Variants in PTPRN2 observed in about 807,000 individuals in gnomAD.
The protein encoded by PTPRN2 is receptor-type tyrosine-protein phosphatase N2.
PTPRN2 carries 74 observed loss-of-function variants against 118.8 expected under a neutral mutation model. The observed-to-expected ratio is 0.62, with a 90% confidence interval of 0.52 to 0.76. The LOEUF is 0.76. PTPRN2 is among the 30% of genes least tolerant of loss of function. PTPRN2 has a pLI of 0.00. For synonymous variants in PTPRN2, 641 were observed against 608.0 expected (o/e 1.05, Z -0.80); for missense variants, 1,481 against 1,394.4 (o/e 1.06, Z -0.99).
intron 1 of PTPRN2, among the ~76,000 whole-genome samples, chr7:158,539,122 TAACA>T (rs1335833622): frequency 6.6e-6 from 1 of 152,166 alleles, no homozygotes; most frequent in Admixed American, 6.5e-5. Flanking sequence ...ACCACACTGG[TAACA>T]AACAAGTAAC....
intron 12 of PTPRN2, chr7:157,864,600 T>A (rs1297459926): frequency 6.6e-6 from 1 of 152,402 alleles, no homozygotes; most frequent in Non-Finnish European, 1.5e-5. Context: ...GAAGCTGCCA[T>A]GTGGGGCTGG....
intron 12 of PTPRN2, among the ~76,000 whole-genome samples, chr7:157,837,454 G>A (rs958462490): frequency 6.6e-6 from 1 of 151,450 alleles, no homozygotes; most frequent in Non-Finnish European, 1.5e-5. Flanking sequence ...GTGGTGGAGG[G>A]GGGAGGCTGT....
chr7:158,586,293 C>CT (rs113498609), intron 1 of PTPRN2, among the ~76,000 whole-genome samples: 34 of 152,320 alleles, frequency 2.2e-4, no homozygotes, highest in African/African-American at 6.0e-4. Flanking sequence ...TCCAGGGAGA[C>CT]TGTGTCAAGA....
At chr7:157,915,450 G>A (rs112991962) in intron 11 of PTPRN2, among the ~76,000 whole-genome samples, 21,586 of 69,700 alleles carry the variant, frequency 0.31, 1,829 homozygotes, top group Non-Finnish European at 0.38. Flanking sequence ...CCCCACCCCC[G>A]CCTTCCCCGC....
At position 157,690,977 on chromosome 7, in the gene PTPRN2, G is replaced by A. The variant is rs2150833216; in HGVS notation, c.1789-8040C>T. Reference sequence around the variant, plus strand: ...CGCGCGCGTAGCACCAACCAGCGCGGCCGCCGCGCCCCGCCTTATATCCGG... The same window carrying A: ...CGCGCGCGTAGCACCAACCAGCGCGACCGCCGCGCCCCGCCTTATATCCGG... On this transcript the variant is annotated intron_variant, in intron 12 of 22. Transcript: ENST00000389418. This position sits in a 1 kb window ranked among gnomAD's most constrained non-coding sequence, Gnocchi z 7.1. Among the ~76,000 whole-genome samples, 1 of 147,014 alleles carries A rather than the reference G, an allele frequency of 6.8e-6. No homozygotes were observed. The highest frequency in any genetic ancestry group is 2.0e-4 in the East Asian group (1 of 4,938).
chr7:157,804,794 G>A (rs941042728), intron 12 of PTPRN2, among the ~76,000 whole-genome samples: 12 of 152,134 alleles, frequency 7.9e-5, no homozygotes, highest in Admixed American at 6.5e-4. Flanking sequence ...AGACAGATCC[G>A]ATGTCATCTT....
At chr7:158,456,909 G>T (rs1037942924) in intron 2 of PTPRN2, among the ~76,000 whole-genome samples, 1 of 152,078 alleles carries the variant, frequency 6.6e-6, no homozygotes, top group African/African-American at 2.4e-5. Context: ...ACAGCACCAG[G>T]ATCACCACAA....
chr7:157,790,587 C>T (rs1804425959), intron 12 of PTPRN2, among the ~76,000 whole-genome samples: 1 of 151,906 alleles, frequency 6.6e-6, no homozygotes, highest in Non-Finnish European at 1.5e-5. Context: ...AAAATCCACC[C>T]GATAAACACA....
At chr7:158,017,938 A>G (rs1485399333) in intron 11 of PTPRN2, among the ~76,000 whole-genome samples, 3 of 152,068 alleles carry the variant, frequency 2.0e-5, no homozygotes, top group Non-Finnish European at 2.9e-5. Flanking sequence ...CTGCTCAGAG[A>G]TGGTCAGAAG....
intron 1 of PTPRN2, among the ~76,000 whole-genome samples, chr7:158,504,616 G>C (rs1822613506): frequency 6.6e-6 from 1 of 152,168 alleles, no homozygotes; most frequent in Non-Finnish European, 1.5e-5. Flanking sequence ...TGGGCATTTA[G>C]GTTGGTTCCA....
chr7:157,944,255 G>A lies in PTPRN2; in HGVS notation c.1724-45518C>T, dbSNP rs950134401. 1.3e-5 allele frequency among the ~76,000 whole-genome samples: 2 copies of A among 152,226 alleles called. No individual in the cohort carries two copies. Among genetic ancestry groups the A allele is most frequent in the South Asian group, 2.1e-4 (1 of 4,808 alleles). Reference sequence around the variant, plus strand: ...AGATTGAGCATGGTTCGTCGCGAACGCCAGCCTGCCCCCACGGTCATGTCC... The same window carrying A: ...AGATTGAGCATGGTTCGTCGCGAACACCAGCCTGCCCCCACGGTCATGTCC... On this transcript the variant is annotated intron_variant, in intron 11 of 22. Transcript: ENST00000389418. This position sits in a 1 kb window ranked among gnomAD's most constrained non-coding sequence, Gnocchi z 4.3.
chr7:158,139,030 C>T (rs1819118037), intron 6 of PTPRN2, among the ~76,000 whole-genome samples: 1 of 152,114 alleles, frequency 6.6e-6, no homozygotes, highest in African/African-American at 2.4e-5. Context: ...TACATCTAAA[C>T]ACAGCCACAC....
At chr7:158,056,104 AG>A in intron 11 of PTPRN2, among the ~76,000 whole-genome samples, 1 of 152,310 alleles carries the variant, frequency 6.6e-6, no homozygotes, top group African/African-American at 2.4e-5. Context: ...GCTCTAATGC[AG>A]ACCTTCTCCC....
intron 5 of PTPRN2, among the ~76,000 whole-genome samples, chr7:158,175,702 G>A (rs1186420856): frequency 1.3e-5 from 2 of 150,850 alleles, no homozygotes; most frequent in African/African-American, 5.0e-5. Flanking sequence ...CTCTCAGACT[G>A]AAAAATAAGA....
At chr7:158,336,513 A>T (rs1395527508) in intron 2 of PTPRN2, among the ~76,000 whole-genome samples, 1 of 125,310 alleles carries the variant, frequency 8.0e-6, no homozygotes, top group African/African-American at 3.0e-5. Flanking sequence ...TCACACCCAC[A>T]CTCTCACCAT....
chr7:158,157,635 G>A (rs549535014), intron 6 of PTPRN2, among the ~76,000 whole-genome samples: 1 of 152,354 alleles, frequency 6.6e-6, no homozygotes, highest in African/African-American at 2.4e-5. Context: ...AGCCACACAC[G>A]GCCGCTGCCA....
intron 2 of PTPRN2, among the ~76,000 whole-genome samples, chr7:158,351,943 A>T (rs71547531): frequency 0.33 from 3,135 of 9,412 alleles, 224 homozygotes; most frequent in African/African-American, 0.42. Flanking sequence ...TCCCCTCCTG[A>T]CCGCTCCCCT....
intron 12 of PTPRN2, among the ~76,000 whole-genome samples, chr7:157,826,205 C>A (rs934037016): frequency 6.7e-6 from 1 of 148,988 alleles, no homozygotes; most frequent in Non-Finnish European, 1.5e-5. Context: ...GACAGCAGCA[C>A]GAACACGATC....
intron 1 of PTPRN2, among the ~76,000 whole-genome samples, chr7:158,578,537 T>A (rs376888084): frequency 1.0e-4 from 13 of 125,902 alleles, no homozygotes; most frequent in East Asian, 2.6e-4. Context: ...CCTGTCTCTG[T>A]AAAAAAAAAA....
Sources: allele counts gnomAD v4.1 joint callset (sites outside exome capture counted in the v4.1 genomes callset), GRCh38; gene constraint gnomAD v4.1.1; non-coding constraint Gnocchi (gnomAD v3.1); transcripts MANE v1.5; gene names NCBI Gene and HGNC (gene_info 2026-07-23, HGNC 2026-07-21).